Variants in CPEB3 observed in about 807,000 individuals in gnomAD.
CPEB3 encodes cytoplasmic polyadenylation element-binding protein 3.
In CPEB3, 20 loss-of-function variants were observed where a neutral mutation model predicts 67.2. That is an observed-to-expected ratio of 0.30 (90% CI 0.21 to 0.43). The LOEUF (loss-of-function observed/expected upper bound fraction) is 0.43, where lower values mean the gene tolerates loss of function less well. Ranked by LOEUF, CPEB3 falls within the 20% of genes least tolerant of loss-of-function variation. CPEB3 has a pLI of 1.00. For synonymous variants in CPEB3, 376 were observed against 393.1 expected (o/e 0.96, Z 0.51); for missense variants, 746 against 968.6 (o/e 0.77, Z 3.05).
Position 92,278,537 on chromosome 10 carries a change from AAC to A in CPEB3, c.-12+12387_-12+12388del, listed in dbSNP as rs368501593. 3.8e-3 allele frequency among the ~76,000 whole-genome samples: 572 copies of A among 152,040 alleles called. 3 individuals are homozygous for A. The highest frequency in any genetic ancestry group is 0.013 in the African/African-American group (538 of 41,474). ...GGATTGTTCATTGCTAATTTACATAAACACAATACCTTTTTGCACATTGAGCT... is the reference window on the plus strand; with the variant it reads ...GGATTGTTCATTGCTAATTTACATAAACAATACCTTTTTGCACATTGAGCT... On this transcript the variant is annotated intron_variant, in intron 1 of 9. Transcript: ENST00000265997.
intron 2 of CPEB3, among the ~76,000 whole-genome samples, chr10:92,224,684 A>G (rs1850875165): frequency 6.6e-6 from 1 of 151,800 alleles, no homozygotes; most frequent in Non-Finnish European, 1.5e-5. Context: ...TGTCTCTACA[A>G]AAAATTTAAA....
intron 4 of CPEB3, among the ~76,000 whole-genome samples, chr10:92,145,404 G>GC (rs1846630760): frequency 6.6e-6 from 1 of 152,208 alleles, no homozygotes; most frequent in Admixed American, 6.5e-5. Flanking sequence ...TGAGGTGGGC[G>GC]CATCACCTGA....
At chr10:92,203,498 A>ATG (rs1402323759) in intron 2 of CPEB3, among the ~76,000 whole-genome samples, 2 of 142,888 alleles carry the variant, frequency 1.4e-5, no homozygotes, top group African/African-American at 5.2e-5. Flanking sequence ...ATGTGTATAT[A>ATG]TATGTGTGTG....
chr10:92,145,599 C>T (rs995382962), intron 4 of CPEB3, among the ~76,000 whole-genome samples: 1 of 149,752 alleles, frequency 6.7e-6, no homozygotes, highest in Non-Finnish European at 1.5e-5. Flanking sequence ...CGTGCCATTG[C>T]ACTCCAGCCT....
At chr10:92,229,616 G>A (rs751674972) in intron 2 of CPEB3, among the ~76,000 whole-genome samples, 2 of 152,284 alleles carry the variant, frequency 1.3e-5, no homozygotes, top group Non-Finnish European at 2.9e-5. Context: ...CACATATGAA[G>A]TCACAGGCCA....
chr10:92,184,370 C>T (rs1314710697), intron 3 of CPEB3, among the ~76,000 whole-genome samples: 3 of 152,178 alleles, frequency 2.0e-5, no homozygotes, highest in Non-Finnish European at 2.9e-5. Flanking sequence ...TTTGGGAGGC[C>T]GAGGCAGTCG....
At chr10:92,112,971 A>G (rs762395737) in intron 6 of CPEB3, among the ~76,000 whole-genome samples, 13 of 152,232 alleles carry the variant, frequency 8.5e-5, no homozygotes, top group Non-Finnish European at 1.8e-4. Context: ...TGACAGTGGC[A>G]ATGGATAATG....
chr10:92,120,168 T>C (rs1002739955), intron 6 of CPEB3, among the ~76,000 whole-genome samples: 4 of 149,498 alleles, frequency 2.7e-5, no homozygotes, highest in African/African-American at 9.9e-5. Flanking sequence ...CCTAGCACTT[T>C]GGTGAGGCCG....
intron 1 of CPEB3, among the ~76,000 whole-genome samples, chr10:92,267,653 C>T (rs528765221): frequency 2.2e-4 from 34 of 152,132 alleles, no homozygotes; most frequent in African/African-American, 8.2e-4. Context: ...TTATATTATC[C>T]AGGCAGGTAA....
Position 92,174,703 on chromosome 10 carries a change from T to C in CPEB3, c.1222+6260A>G, listed in dbSNP as rs575545938. ...AAGGAAGAGTGAGGGTAAACAATCA[T>C]CTTTCCTTGTCAGAAGGGAAGTGGT... is the stretch of plus-strand genomic sequence containing the variant. On this transcript the variant is annotated intron_variant, in intron 4 of 9. Coordinates refer to ENST00000265997, the MANE Select transcript of CPEB3 (RefSeq NM_014912.5). Among the ~76,000 whole-genome samples, 13 of 152,298 alleles carry C rather than the reference T, an allele frequency of 8.5e-5. No individual in the cohort carries two copies. In the South Asian group the frequency reaches 2.7e-3, roughly 32 times the overall value.
intron 2 of CPEB3, among the ~76,000 whole-genome samples, chr10:92,235,429 G>A (rs1851482177): frequency 6.6e-6 from 1 of 151,624 alleles, no homozygotes; most frequent in African/African-American, 2.4e-5. Context: ...TGGGTGACAG[G>A]GTGAGACATT....
At chr10:92,217,012 T>C (rs902009563) in intron 2 of CPEB3, among the ~76,000 whole-genome samples, 13 of 143,244 alleles carry the variant, frequency 9.1e-5, no homozygotes, top group African/African-American at 2.6e-4. Context: ...TCCAAGAATG[T>C]AGGGTGGAGA....
At chr10:92,205,470 C>CTTTTTTTTT (rs34029695) in intron 2 of CPEB3, among the ~76,000 whole-genome samples, 5 of 91,020 alleles carry the variant, frequency 5.5e-5, no homozygotes, top group Non-Finnish European at 8.0e-5. Context: ...AAATTCAGTC[C>CTTTTTTTTT]TTTTTTTTTT....
chr10:92,246,207 G>A (rs1255743717), intron 1 of CPEB3, among the ~76,000 whole-genome samples: 2 of 144,380 alleles, frequency 1.4e-5, no homozygotes, highest in Non-Finnish European at 2.9e-5. Context: ...GGTGGCAGGC[G>A]CCTGTAGTCC....
chr10:92,162,328 T>C (rs892098219), intron 4 of CPEB3, among the ~76,000 whole-genome samples: 3 of 152,158 alleles, frequency 2.0e-5, no homozygotes, highest in African/African-American at 7.2e-5. Context: ...ATCCAGGTAC[T>C]AGTTACATGG....
chr10:92,192,718 T>G, intron 2 of CPEB3, 82 bp from the exon 3 acceptor site: 1 of 1,054,946 alleles, frequency 9.5e-7, no homozygotes, highest in South Asian at 2.0e-5. Context: ...CTGCTGTGGA[T>G]TGATGACATG....
At chr10:92,219,360 T>C (rs911834095) in intron 2 of CPEB3, among the ~76,000 whole-genome samples, 1 of 152,222 alleles carries the variant, frequency 6.6e-6, no homozygotes, top group African/African-American at 2.4e-5. Flanking sequence ...TCAGTGTCCT[T>C]TGATGTCTCA....
In CPEB3 at chr10:92,047,155, CT is replaced by C. The variant is rs1408657033; in HGVS notation, c.*5056del. On this transcript the variant is annotated 3_prime_UTR_variant, in exon 10 of 10. Coordinates refer to ENST00000265997, the MANE Select transcript of CPEB3 (RefSeq NM_014912.5). ...TAAACATCCCCTAATCATGTAGCCA[CT>C]TCTTGACCCATTTTGGGGTATAAAG... is the stretch of plus-strand genomic sequence containing the variant. 3 of 152,084 alleles carry C rather than the reference CT, an allele frequency of 2.0e-5. No homozygotes were observed. Among genetic ancestry groups the C allele is most frequent in the Admixed American group, 6.5e-5 (1 of 15,272 alleles). 9.4% of individuals were successfully genotyped at this position (152,084 alleles called of 1,614,324 possible). A position where few individuals can be genotyped will look rare whatever the true frequency, so the allele number is the denominator to read the frequency against.
At chr10:92,101,954 T>C (rs572992067) in intron 7 of CPEB3, among the ~76,000 whole-genome samples, 1 of 152,238 alleles carries the variant, frequency 6.6e-6, no homozygotes, top group East Asian at 1.9e-4. Context: ...GGCATCTTTA[T>C]CTCTTCCATG....
Sources: gnomAD v4.1 joint callset for allele counts (sites outside exome capture counted in the v4.1 genomes callset) on GRCh38, gnomAD v4.1.1 for gene constraint, MANE v1.5 for transcripts, NCBI Gene and HGNC (gene_info 2026-07-23, HGNC 2026-07-21) for gene names.